The following CENPP variants were observed in gnomAD, a reference collection of about 807,000 sequenced individuals.
CENPP encodes centromere protein P.
CENPP carries 24 observed loss-of-function variants against 35.6 expected under a neutral mutation model. The ratio of observed to expected loss-of-function variants is 0.67; its 90% confidence interval spans 0.49 to 0.95. CENPP has a LOEUF of 0.95. CENPP is among the 40% of genes least tolerant of loss of function. CENPP has a pLI of 0.00. For missense variants in CENPP, 332 were observed against 345.3 expected, an observed-to-expected ratio of 0.96 and a Z score of 0.31; for synonymous variants, 120 against 125.5, an observed-to-expected ratio of 0.96 and a Z score of 0.29.
chr9:92,325,743 CT>C, upstream of CENPP: 1 of 460,326 alleles, frequency 2.2e-6, no homozygotes, highest in East Asian at 4.0e-5. Context: ...AAAGAACGCG[CT>C]CTCCAGAGAA....
intron 5 of CENPP, among the ~76,000 whole-genome samples, chr9:92,567,373 G>GATATATAGATATATATATATATATATAT (rs1554688236): frequency 1.5e-5 from 2 of 129,088 alleles, no homozygotes; most frequent in African/African-American, 5.6e-5. Flanking sequence ...ACATAAGATA[G>GATATATAGATATATATATATATATATAT]ATATATATAT....
chr9:92,540,655 CAG>C (rs1849297435), intron 5 of CENPP, among the ~76,000 whole-genome samples: 1 of 151,492 alleles, frequency 6.6e-6, no homozygotes, highest in Admixed American at 6.6e-5. Context: ...CCTGTAGTCG[CAG>C]CTACTCGGGA....
chr9:92,536,992 C>T (rs988673422), intron 5 of CENPP, among the ~76,000 whole-genome samples: 1 of 151,408 alleles, frequency 6.6e-6, no homozygotes, highest in African/African-American at 2.4e-5. Context: ...GCCTCAGCTT[C>T]CCGAGTAGGT....
At chr9:92,611,618 GC>G (rs1433337100) in intron 6 of CENPP, among the ~76,000 whole-genome samples, 1 of 152,122 alleles carries the variant, frequency 6.6e-6, no homozygotes, top group Non-Finnish European at 1.5e-5. Context: ...CAGTCCTGGG[GC>G]CCACCCCAGG....
chr9:92,523,449 T>C (rs331372), intron 5 of CENPP, among the ~76,000 whole-genome samples: 1 of 152,132 alleles, frequency 6.6e-6, no homozygotes, highest in Non-Finnish European at 1.5e-5. Flanking sequence ...CCCAAAGCCC[T>C]GTGGCAACAA....
intron 5 of CENPP, among the ~76,000 whole-genome samples, chr9:92,496,789 C>T (rs1846369267): frequency 6.6e-6 from 1 of 151,980 alleles, no homozygotes; most frequent in African/African-American, 2.4e-5. Context: ...CAAAGTTAAA[C>T]AACATGACAA....
intron 5 of CENPP, among the ~76,000 whole-genome samples, chr9:92,608,945 A>C (rs62574666): frequency 0.042 from 6,333 of 152,292 alleles, 162 homozygotes; most frequent in Middle Eastern, 0.054. Flanking sequence ...CTCGGGCCCC[A>C]CGTTGGAGCT....
At chr9:92,542,500 T>C (rs1849339149) in intron 5 of CENPP, among the ~76,000 whole-genome samples, 1 of 127,512 alleles carries the variant, frequency 7.8e-6, no homozygotes, top group Non-Finnish European at 1.6e-5. Flanking sequence ...CTATGTTTTC[T>C]TTTCTTTCTT....
intron 4 of CENPP, among the ~76,000 whole-genome samples, chr9:92,374,241 CTGTGTGTGTGTGTGTGTGTGTGTG>C (rs10569730): frequency 3.5e-5 from 5 of 142,852 alleles, no homozygotes; most frequent in Admixed American, 7.0e-5. Context: ...TTGCTGTTTG[CTGTGTGTGTGTGTGTGTGTGTGTG>C]TGTGTGTGTG....
chr9:92,461,275 A>G (rs1564333375), intron 5 of CENPP, among the ~76,000 whole-genome samples: 1 of 152,202 alleles, frequency 6.6e-6, no homozygotes, highest in Non-Finnish European at 1.5e-5. Flanking sequence ...GTTTTTTAAC[A>G]TAACCACCCT....
intron 5 of CENPP, among the ~76,000 whole-genome samples, chr9:92,420,850 C>G (rs988481123): frequency 4.7e-5 from 7 of 149,140 alleles, no homozygotes; most frequent in Non-Finnish European, 1.1e-4. Context: ...CTGTGAGATT[C>G]GTGGAAGATG....
intron 4 of CENPP, among the ~76,000 whole-genome samples, chr9:92,355,449 C>T (rs185674713): frequency 1.3e-5 from 2 of 152,104 alleles, no homozygotes; most frequent in Admixed American, 6.5e-5. Flanking sequence ...AAATGCCAAG[C>T]TGGCAGAGCC....
At chr9:92,404,681 C>G in intron 5 of CENPP, 1 of 1,244,770 alleles carries the variant, frequency 8.0e-7, no homozygotes, top group Non-Finnish European at 1.0e-6. Context: ...AGCATTCTTT[C>G]TCTAGGGTGA....
rs991696927 is a variant in CENPP at position 92,357,401 on chromosome 9, T to G, written c.467+11614T>G. On this transcript the variant is annotated intron_variant, in intron 4 of 7. Coordinates refer to ENST00000375587, the MANE Select transcript of CENPP (RefSeq NM_001012267.3). ...GAGAATGTCTTAATTTCTCCTGCAC[T>G]TTTTTTATTTTTTGTTTTATTTTTC... 6.1e-5 allele frequency among the ~76,000 whole-genome samples: 9 copies of G among 148,166 alleles called. 1 individual carries two copies. Among genetic ancestry groups the G allele is most frequent in the Admixed American group, 5.3e-4 (8 of 15,088 alleles).
intron 5 of CENPP, among the ~76,000 whole-genome samples, chr9:92,429,790 A>AATCATCATC (rs5899160): frequency 6.6e-6 from 1 of 150,424 alleles, no homozygotes; most frequent in Non-Finnish European, 1.5e-5. Flanking sequence ...TCCGTCTCAA[A>AATCATCATC]ATCATCATCA....
chr9:92,459,001 A>G (rs1844990106), intron 5 of CENPP, among the ~76,000 whole-genome samples: 1 of 152,220 alleles, frequency 6.6e-6, no homozygotes, highest in Non-Finnish European at 1.5e-5. Context: ...GTTCTTGGGA[A>G]GATCTAAATC....
rs772425741 is a variant in CENPP at position 92,464,985 on chromosome 9, C to A, written c.564+85126C>A. 4 of 1,613,880 alleles carry A rather than the reference C, an allele frequency of 2.5e-6. No individual in the cohort carries two copies. The African/African-American group carries it at 5.3e-5, about 22-fold the overall frequency. ...TGGAACACCGTCACCCCTTCAAATG[C>A]CCCTGGCTCTATCCCATTATTATCA... On this transcript the variant is annotated intron_variant, in intron 5 of 7. Coordinates refer to ENST00000375587, the MANE Select transcript of CENPP (RefSeq NM_001012267.3).
At chr9:92,426,184 G>A (rs2130979298) in intron 5 of CENPP, among the ~76,000 whole-genome samples, 2 of 152,156 alleles carry the variant, frequency 1.3e-5, no homozygotes, top group South Asian at 4.2e-4. Context: ...AAAAAATAGG[G>A]GATGTGAGTT....
intron 5 of CENPP, among the ~76,000 whole-genome samples, chr9:92,535,270 C>T (rs1849098378): frequency 6.6e-6 from 1 of 152,150 alleles, no homozygotes; most frequent in African/African-American, 2.4e-5. Context: ...ACTATTAATG[C>T]TTAGGCCCTC....
Sources: gnomAD v4.1 joint callset for allele counts (sites outside exome capture counted in the v4.1 genomes callset) on GRCh38, gnomAD v4.1.1 for gene constraint, MANE v1.5 for transcripts, NCBI Gene and HGNC (gene_info 2026-07-23, HGNC 2026-07-21) for gene names.